Variants in RELCH observed in about 807,000 individuals in gnomAD.
RELCH encodes the protein RAB11-binding protein RELCH.
In RELCH, 41 loss-of-function variants were observed where a neutral mutation model predicts 150.3. The observed-to-expected ratio is 0.27, with a 90% confidence interval of 0.21 to 0.35. The LOEUF (loss-of-function observed/expected upper bound fraction) is 0.35, where lower values mean the gene tolerates loss of function less well. Ranked by LOEUF, RELCH falls within the 10% of genes least tolerant of loss-of-function variation. The probability of loss-of-function intolerance (pLI) is 1.00; values close to 1 mark genes in which losing one functional copy is unlikely to be tolerated. For synonymous variants in RELCH, 478 were observed against 531.8 expected, an observed-to-expected ratio of 0.90 and a Z score of 1.39; for missense variants, 1,092 against 1,467.8, an observed-to-expected ratio of 0.74 and a Z score of 4.18.
chr18:62,257,840 G>A, intron 13 of RELCH, 108 bp from the exon 14 acceptor site: 2 of 839,418 alleles, frequency 2.4e-6, no homozygotes, highest in African/African-American at 1.8e-5. Context: ...TAATAAAAAT[G>A]TTAATACCTG....
chr18:62,209,696 G>C (rs2040039469), intron 1 of RELCH, among the ~76,000 whole-genome samples: 1 of 148,390 alleles, frequency 6.7e-6, no homozygotes, highest in Admixed American at 6.7e-5. Flanking sequence ...CATTGAATCT[G>C]AAGATTAATT....
At chr18:62,267,331 CTG>C (rs543014550) in intron 19 of RELCH, among the ~76,000 whole-genome samples, 89 of 151,622 alleles carry the variant, frequency 5.9e-4, no homozygotes, top group African/African-American at 2.1e-3. Context: ...TAGGAATAAA[CTG>C]TGGAACATGT....
At chr18:62,290,601 G>C (rs930835873) in intron 26 of RELCH, among the ~76,000 whole-genome samples, 2 of 152,212 alleles carry the variant, frequency 1.3e-5, no homozygotes, top group African/African-American at 4.8e-5. Context: ...ATAGGAGCTA[G>C]CTTTACAGGC....
chr18:62,281,574 A>T (rs1433002348), intron 24 of RELCH, among the ~76,000 whole-genome samples: 2 of 152,190 alleles, frequency 1.3e-5, no homozygotes, highest in Non-Finnish European at 2.9e-5. Flanking sequence ...CACTTCTCAA[A>T]ATTGATATCA....
intron 28 of RELCH, among the ~76,000 whole-genome samples, chr18:62,304,174 T>A (rs2145176729): frequency 6.6e-6 from 1 of 152,342 alleles, no homozygotes; most frequent in African/African-American, 2.4e-5. Flanking sequence ...AATAGTAATG[T>A]GGGACTGACC....
Position 62,308,066 on chromosome 18 carries a change from A to C in RELCH, c.*2532A>C, listed in dbSNP as rs1297245966. The C allele has an allele frequency of 2.0e-5, 3 of 152,148 alleles. No individual in the cohort carries two copies. The highest frequency in any genetic ancestry group is 2.9e-5 in the Non-Finnish European group (2 of 68,018). The allele number at this position is 152,148 out of a possible 1,614,324, so 9.4% of individuals were successfully genotyped here. A position where few individuals can be genotyped will look rare whatever the true frequency, so the allele number is the denominator to read the frequency against. On this transcript the variant is annotated 3_prime_UTR_variant, in exon 29 of 29. Transcript: ENST00000644646. Reference sequence around the variant, plus strand: ...TTTTAGGATATGTCACTACTATAGGATATGTCACTACTATACACTATAATT... The same window carrying C: ...TTTTAGGATATGTCACTACTATAGGCTATGTCACTACTATACACTATAATT...
chr18:62,295,318 GTTT>G (rs201022051), intron 27 of RELCH, among the ~76,000 whole-genome samples: 1 of 127,432 alleles, frequency 7.8e-6, no homozygotes, highest in Admixed American at 7.8e-5. Context: ...AGCCTGGTGT[GTTT>G]TTTTTTTTTT....
At chr18:62,256,708 C>G (rs975505773) in intron 13 of RELCH, among the ~76,000 whole-genome samples, 3 of 151,980 alleles carry the variant, frequency 2.0e-5, no homozygotes, top group African/African-American at 7.2e-5. Context: ...TGCCTCCTGA[C>G]CAATGCTCTG....
At chr18:62,271,247 G>A (rs1248110807) in intron 20 of RELCH, among the ~76,000 whole-genome samples, 2 of 152,162 alleles carry the variant, frequency 1.3e-5, no homozygotes, top group Non-Finnish European at 2.9e-5. Context: ...ATCCTCTCCA[G>A]CACCTGTTGT....
chr18:62,223,202 T>C (rs2040994270), intron 5 of RELCH, among the ~76,000 whole-genome samples: 1 of 151,950 alleles, frequency 6.6e-6, no homozygotes, highest in Non-Finnish European at 1.5e-5. Context: ...AGTAGTCCTT[T>C]GAGAAGATCA....
At chr18:62,296,770 G>A (rs1160996527) in intron 27 of RELCH, among the ~76,000 whole-genome samples, 1 of 152,180 alleles carries the variant, frequency 6.6e-6, no homozygotes, top group African/African-American at 2.4e-5. Flanking sequence ...TGCATCAATT[G>A]AGATGATCAT....
Position 62,255,489 on chromosome 18 carries a change from CTTT to C in RELCH, c.1896+20_1896+22del. 1.6e-6 allele frequency: 2 copies of C among 1,259,296 alleles called. No homozygotes were observed. Among genetic ancestry groups the C allele is most frequent in the Non-Finnish European group, 2.1e-6 (2 of 934,442 alleles). The allele number at this position is 1,259,296 out of a possible 1,614,324, so 78.0% of individuals were successfully genotyped here. Reference sequence around the variant, plus strand: ...GCACCTTACCTTCCTGTAAGATTGTCTTTTTTTTTTTCTTTAAACTATTTTTCC... The same window carrying C: ...GCACCTTACCTTCCTGTAAGATTGTCTTTTTTTTCTTTAAACTATTTTTCC... On this transcript the variant is annotated intron_variant, in intron 13 of 28. Transcript: ENST00000644646.
rs144042511 is a variant in RELCH at position 62,275,915 on chromosome 18, C to T, written c.2967+442C>T. On this transcript the variant is annotated intron_variant, in intron 22 of 28. Transcript: ENST00000644646. Reference sequence around the variant, plus strand: ...ATGTTTATTTTATTGGTTACTCCTACGTCACTATTCCCTAACATTTCATAT... The same window carrying T: ...ATGTTTATTTTATTGGTTACTCCTATGTCACTATTCCCTAACATTTCATAT... Among the ~76,000 whole-genome samples, 181 of 152,224 alleles carry T rather than the reference C, an allele frequency of 1.2e-3. No individual in the cohort carries two copies. In the East Asian group the frequency reaches 0.016, roughly 14 times the overall value.
At chr18:62,261,129 T>C (rs2043249853) in intron 15 of RELCH, among the ~76,000 whole-genome samples, 1 of 152,030 alleles carries the variant, frequency 6.6e-6, no homozygotes, top group South Asian at 2.1e-4. Flanking sequence ...ATTGTATGCC[T>C]GTATCAAAAT....
chr18:62,213,750 AG>A (rs2040316105), intron 2 of RELCH, among the ~76,000 whole-genome samples: 1 of 150,870 alleles, frequency 6.6e-6, no homozygotes, highest in African/African-American at 2.4e-5. Flanking sequence ...AAAAAAAAAA[AG>A]ATCATTAATT....
intron 1 of RELCH, among the ~76,000 whole-genome samples, chr18:62,192,957 A>G (rs1300691856): frequency 6.6e-6 from 1 of 152,238 alleles, no homozygotes; most frequent in Non-Finnish European, 1.5e-5. Flanking sequence ...CATTGAATCT[A>G]TAAATTACTT....
chr18:62,221,805 A>G (rs2040893704), intron 5 of RELCH, among the ~76,000 whole-genome samples: 1 of 151,860 alleles, frequency 6.6e-6, no homozygotes, highest in Admixed American at 6.6e-5. Context: ...GACATACTTT[A>G]TAGTATAGGT....
intron 5 of RELCH, 80 bp from the exon 6 acceptor site, chr18:62,227,209 A>G (rs910511762): frequency 2.1e-4 from 191 of 915,700 alleles, no homozygotes; most frequent in Non-Finnish European, 2.3e-4. Flanking sequence ...AAAAAAAAAG[A>G]TATTAGCAAT....
intron 2 of RELCH, among the ~76,000 whole-genome samples, chr18:62,214,891 C>G (rs12150707): frequency 0.16 from 24,775 of 152,048 alleles, 2,709 homozygotes; most frequent in Middle Eastern, 0.29. Context: ...ACTACTCTAC[C>G]CCCCTAGAAC....
Sources: gnomAD v4.1 joint callset for allele counts (sites outside exome capture counted in the v4.1 genomes callset) on GRCh38, gnomAD v4.1.1 for gene constraint, MANE v1.5 for transcripts, NCBI Gene and HGNC (gene_info 2026-07-23, HGNC 2026-07-21) for gene names.